Variants in B3GALT1 observed in about 807,000 individuals in gnomAD.
B3GALT1 encodes the protein beta-1,3-galactosyltransferase 1.
In B3GALT1, 10 loss-of-function variants were observed where a neutral mutation model predicts 23.2. The observed-to-expected ratio is 0.43, with a 90% confidence interval of 0.27 to 0.73. The LOEUF (loss-of-function observed/expected upper bound fraction) is 0.73, where lower values mean the gene tolerates loss of function less well. B3GALT1 is among the 30% of genes least tolerant of loss of function. The probability of loss-of-function intolerance (pLI) is 0.21; values close to 1 mark genes in which losing one functional copy is unlikely to be tolerated. For synonymous variants in B3GALT1, 156 were observed against 141.5 expected (o/e 1.10, Z -0.73); for missense variants, 299 against 405.4 (o/e 0.74, Z 2.25).
intron 4 of B3GALT1, among the ~76,000 whole-genome samples, chr2:167,867,926 T>C (rs1393728343): frequency 6.6e-6 from 1 of 152,212 alleles, no homozygotes; most frequent in Non-Finnish European, 1.5e-5. Flanking sequence ...CATCACATCT[T>C]CATTGGATCT....
In B3GALT1 at chr2:167,869,937, G is replaced by T. The variant is rs796424256; in HGVS notation, c.898G>T (p.Val300Phe). The change falls in exon 5 of 5, where the codon GTT (valine) becomes TTT (phenylalanine). Residue 300 changes from valine (V) to phenylalanine (F), a missense_variant. Val to Phe is a conservative substitution (Grantham distance 50, BLOSUM62 -1). Coordinates refer to ENST00000392690, the MANE Select transcript of B3GALT1 (RefSeq NM_020981.4). This position sits in a 1 kb window ranked among gnomAD's most constrained non-coding sequence, Gnocchi z 6.4. ...MAYSLCRYRR[V>F]ITVHQISPEE... ...CTACAGTTTGTGTAGGTATCGCCGAGTTATCACTGTGCATCAGATCTCTCC... is the reference window on the plus strand; with the variant it reads ...CTACAGTTTGTGTAGGTATCGCCGATTTATCACTGTGCATCAGATCTCTCC... 3.1e-6 allele frequency: 5 copies of T among 1,614,048 alleles called. No homozygotes were observed. In the Admixed American group the frequency reaches 6.7e-5, roughly 22 times the overall value.
chr2:167,649,336 A>T (rs1010551873), intron 3 of B3GALT1, among the ~76,000 whole-genome samples: 4 of 152,106 alleles, frequency 2.6e-5, no homozygotes, highest in Admixed American at 2.6e-4. Flanking sequence ...TAACCATTTT[A>T]AAGTGTATAA....
At chr2:167,382,237 A>G (rs1697856045) in intron 1 of B3GALT1, among the ~76,000 whole-genome samples, 1 of 152,188 alleles carries the variant, frequency 6.6e-6, no homozygotes, top group Non-Finnish European at 1.5e-5. Flanking sequence ...TGGTAGTCCA[A>G]TCATAGTTTT....
At chr2:167,696,881 A>G (rs1574218332) in intron 3 of B3GALT1, among the ~76,000 whole-genome samples, 2 of 152,330 alleles carry the variant, frequency 1.3e-5, no homozygotes, top group East Asian at 3.9e-4. Context: ...GGGACTTAGT[A>G]TCCCTGGGCC....
At chr2:167,369,971 G>A (rs2689820) in intron 1 of B3GALT1, among the ~76,000 whole-genome samples, 122,157 of 152,118 alleles carry the variant, frequency 0.8, 51,004 homozygotes, top group East Asian at 0.92. Flanking sequence ...TAAGCCAGAA[G>A]ACACTGAATT....
At chr2:167,682,646 A>G (rs1172513359) in intron 3 of B3GALT1, among the ~76,000 whole-genome samples, 1 of 152,214 alleles carries the variant, frequency 6.6e-6, no homozygotes, top group East Asian at 1.9e-4. Context: ...AGAGGTGGGG[A>G]TCCAGCCCAG....
intron 3 of B3GALT1, among the ~76,000 whole-genome samples, chr2:167,704,397 G>C (rs562837214): frequency 6.6e-6 from 1 of 152,048 alleles, no homozygotes; most frequent in Non-Finnish European, 1.5e-5. Context: ...AAGTGAAAAT[G>C]AGACACCACT....
intron 1 of B3GALT1, among the ~76,000 whole-genome samples, chr2:167,480,730 G>A (rs1699553781): frequency 1.3e-5 from 2 of 152,202 alleles, no homozygotes; most frequent in Admixed American, 6.5e-5. Flanking sequence ...CAATCAGCAA[G>A]GTTATTTTCT....
intron 1 of B3GALT1, among the ~76,000 whole-genome samples, chr2:167,464,775 CAATG>C (rs1441342451): frequency 6.6e-6 from 1 of 152,156 alleles, no homozygotes; most frequent in Non-Finnish European, 1.5e-5. Flanking sequence ...ATGCTGAGTG[CAATG>C]AATGAAGTTA....
At position 167,771,643 on chromosome 2, in the gene B3GALT1, A is replaced by T. The variant is rs751763018; in HGVS notation, c.-351-47029A>T. 5.3e-5 allele frequency among the ~76,000 whole-genome samples: 8 copies of T among 152,238 alleles called. No homozygotes were observed. In the East Asian group the frequency reaches 1.5e-3, roughly 29 times the overall value. ...TAGAATAACTGAAAACTATCATATC[A>T]TGAATGAATATATTCCATATTTGGC... On this transcript the variant is annotated intron_variant, in intron 3 of 4. Coordinates refer to ENST00000392690, the MANE Select transcript of B3GALT1 (RefSeq NM_020981.4).
intron 3 of B3GALT1, among the ~76,000 whole-genome samples, chr2:167,651,687 A>G (rs1029380301): frequency 1.7e-4 from 26 of 152,278 alleles, no homozygotes; most frequent in Middle Eastern, 3.4e-3. Flanking sequence ...TCAGCCCATG[A>G]TTCCTTTTAT....
At chr2:167,455,108 C>T (rs572257201) in intron 1 of B3GALT1, among the ~76,000 whole-genome samples, 2 of 152,258 alleles carry the variant, frequency 1.3e-5, no homozygotes, top group South Asian at 2.1e-4. Context: ...GAAACTTATC[C>T]ACATATGGAT....
At chr2:167,594,340 C>CT (rs1290615597) in intron 2 of B3GALT1, among the ~76,000 whole-genome samples, 1 of 152,062 alleles carries the variant, frequency 6.6e-6, no homozygotes, top group African/African-American at 2.4e-5. Context: ...CTATAAATTT[C>CT]TTTTAATGTC....
chr2:167,714,634 T>G (rs2105521569), intron 3 of B3GALT1: 1 of 1,613,860 alleles, frequency 6.2e-7, no homozygotes, highest in Non-Finnish European at 8.5e-7. Context: ...TTTCTTTCCT[T>G]AAATCATTGA....
At chr2:167,727,821 T>A (rs1315789641) in intron 3 of B3GALT1, among the ~76,000 whole-genome samples, 1 of 152,128 alleles carries the variant, frequency 6.6e-6, no homozygotes, top group Non-Finnish European at 1.5e-5. Flanking sequence ...CAGGAATTTT[T>A]TATTTGGCTA....
Position 167,719,471 on chromosome 2 carries a change from T to G in B3GALT1, c.-352+72505T>G, listed in dbSNP as rs565583535. Among the ~76,000 whole-genome samples the G allele has an allele frequency of 2.6e-5, 4 of 152,366 alleles. No individual in the cohort carries two copies. The East Asian group carries it at 7.7e-4, about 29-fold the overall frequency. Reference sequence around the variant, plus strand: ...TAATTTAACACAAGCTTATCAAATTTATAGAAAATAGAATTTCATGTCTGT... The same window carrying G: ...TAATTTAACACAAGCTTATCAAATTGATAGAAAATAGAATTTCATGTCTGT... On this transcript the variant is annotated intron_variant, in intron 3 of 4. Transcript: ENST00000392690.
intron 4 of B3GALT1, among the ~76,000 whole-genome samples, chr2:167,836,271 A>AACTT (rs1689468637): frequency 6.6e-6 from 1 of 152,338 alleles, no homozygotes; most frequent in South Asian, 2.1e-4. Flanking sequence ...AGAAGTTAAA[A>AACTT]ACTTTGAAAA....
chr2:167,314,688 T>G (rs1175426187), intron 1 of B3GALT1, among the ~76,000 whole-genome samples: 1 of 152,176 alleles, frequency 6.6e-6, no homozygotes, highest in Non-Finnish European at 1.5e-5. Flanking sequence ...CACATTTTTT[T>G]TCTGAGTGTG....
intron 3 of B3GALT1, among the ~76,000 whole-genome samples, chr2:167,669,241 G>T (rs993715279): frequency 1.6e-4 from 24 of 152,140 alleles, no homozygotes; most frequent in African/African-American, 5.8e-4. Flanking sequence ...TTATTGAATG[G>T]TTCCATAATA....
Sources: allele counts gnomAD v4.1 joint callset (sites outside exome capture counted in the v4.1 genomes callset), GRCh38; gene constraint gnomAD v4.1.1; non-coding constraint Gnocchi (gnomAD v3.1); transcripts MANE v1.5; gene names NCBI Gene and HGNC (gene_info 2026-07-23, HGNC 2026-07-21).